Variants in BAIAP2L2 observed in about 807,000 individuals in gnomAD.
BAIAP2L2 encodes BAR/IMD domain containing adaptor protein 2 like 2.
Under a neutral mutation model 60.4 loss-of-function variants are expected in BAIAP2L2, and 65 were observed. That is an observed-to-expected ratio of 1.08 (90% CI 0.88 to 1.32). BAIAP2L2 has a LOEUF of 1.32. Among genes scored for constraint, BAIAP2L2 ranks in the 40% most tolerant of loss-of-function variants. BAIAP2L2 has a pLI of 0.00. For missense variants in BAIAP2L2, 836 were observed against 741.2 expected (o/e 1.13, Z -1.48); for synonymous variants, 344 against 301.7 (o/e 1.14, Z -1.45).
chr22:38,108,117 A>G (rs973770188), intron 3 of BAIAP2L2, 138 bp downstream of exon 3: 1 of 971,762 alleles, frequency 1.0e-6, no homozygotes, highest in Non-Finnish European at 1.5e-6. Flanking sequence ...GGTGGCGGGG[A>G]GCCTGGGCCC....
rs200930717 is a variant in BAIAP2L2, at chr22:38,087,167, ACATGGAGGT to A, written c.1207_1215del (p.Thr403_Met405del). The A allele has an allele frequency of 3.2e-4, 310 of 973,438 alleles. No individual in the cohort carries two copies. The highest frequency in any genetic ancestry group is 1.5e-3 in the Admixed American group (52 of 34,874). The allele number at this position is 973,438 out of a possible 1,614,324, so 60.3% of individuals were successfully genotyped here. Reference sequence around the variant, plus strand: ...CCGGGGTTCATGGGTGTCATGGGGGACATGGAGGTCATGGAGGTCATGGGGGTCACGGGG... The same window carrying A: ...CCGGGGTTCATGGGTGTCATGGGGGACATGGAGGTCATGGGGGTCACGGGG... On this transcript the variant is annotated inframe_deletion, in exon 11 of 14. Transcript: ENST00000381669.
At chr22:38,099,422 T>C (rs1022179499) in intron 4 of BAIAP2L2, among the ~76,000 whole-genome samples, 6 of 152,006 alleles carry the variant, frequency 3.9e-5, no homozygotes, top group Non-Finnish European at 5.9e-5. Context: ...TAATCCCAGC[T>C]ACTCAGGAGG....
intron 4 of BAIAP2L2, among the ~76,000 whole-genome samples, chr22:38,103,091 T>C (rs1185181534): frequency 6.6e-6 from 1 of 151,370 alleles, no homozygotes; most frequent in East Asian, 1.9e-4. Context: ...TGGCATTTTC[T>C]TATAGTCCCA....
chr22:38,100,075 G>T (rs2146013263), intron 4 of BAIAP2L2, among the ~76,000 whole-genome samples: 1 of 152,326 alleles, frequency 6.6e-6, no homozygotes. Flanking sequence ...AGAGAAGGGT[G>T]TCAGCACCAA....
At chr22:38,097,796 G>A (rs983078872) in intron 6 of BAIAP2L2, among the ~76,000 whole-genome samples, 2 of 152,174 alleles carry the variant, frequency 1.3e-5, no homozygotes, top group African/African-American at 4.8e-5. Flanking sequence ...AGATGGGGGA[G>A]GTGGGATGGG....
intron 7 of BAIAP2L2, among the ~76,000 whole-genome samples, chr22:38,093,222 T>TG (rs1241495068): frequency 6.6e-6 from 1 of 151,704 alleles, no homozygotes; most frequent in Admixed American, 6.6e-5. Flanking sequence ...TCTCTGGCCA[T>TG]GTGATATGAA....
At position 38,097,183 on chromosome 22, in the gene BAIAP2L2, G is replaced by C. The variant is rs758208512; in HGVS notation, c.466-5C>G. ...GTGCAGCCGGTTCACACTCTCCTGGGGGGGAACGGGAGTTCTGGCTGGGGG... is the reference window on the plus strand; with the variant it reads ...GTGCAGCCGGTTCACACTCTCCTGGCGGGGAACGGGAGTTCTGGCTGGGGG... On this transcript the variant is annotated splice_region_variant and splice_polypyrimidine_tract_variant and intron_variant, in intron 6 of 13. Transcript: ENST00000381669. 1.1e-5 allele frequency: 18 copies of C among 1,611,426 alleles called. No homozygotes were observed. Among genetic ancestry groups the C allele is most frequent in the Middle Eastern group, 1.7e-4 (1 of 6,036 alleles).
intron 1 of BAIAP2L2, among the ~76,000 whole-genome samples, chr22:38,110,157 C>CAGAGAG (rs1266096999): frequency 3.0e-5 from 1 of 33,562 alleles, no homozygotes. Flanking sequence ...GAGGGAGAGA[C>CAGAGAG]AGAGAGAGAG....
chr22:38,110,150 G>GAGAGAGAGAGAGAGAGAGAGAGA (rs2086807545), intron 1 of BAIAP2L2, among the ~76,000 whole-genome samples: 1 of 30,488 alleles, frequency 3.3e-5, no homozygotes, highest in Non-Finnish European at 6.1e-5. Context: ...AGAGAGAGAG[G>GAGAGAGAGAGAGAGAGAGAGAGA]GAGAGACAGA....
intron 8 of BAIAP2L2, 119 bp from the exon 9 acceptor site, chr22:38,089,350 C>G: frequency 1.8e-6 from 1 of 556,050 alleles, no homozygotes; most frequent in Non-Finnish European, 2.7e-6. Context: ...GGGCGGAGAC[C>G]GGGCCACCAC....
intron 10 of BAIAP2L2, 33 bp downstream of exon 10, chr22:38,088,715 C>A: frequency 1.1e-6 from 1 of 931,550 alleles, no homozygotes; most frequent in Admixed American, 2.0e-5. Flanking sequence ...TTCTTCTCAA[C>A]CCACCCCCGG....
chr22:38,103,961 T>A (rs1464769866), intron 4 of BAIAP2L2, among the ~76,000 whole-genome samples: 1 of 151,958 alleles, frequency 6.6e-6, no homozygotes, highest in Non-Finnish European at 1.5e-5. Context: ...GTCAAATGAG[T>A]TTAAATCTAC....
chr22:38,097,034 G>T lies in BAIAP2L2; in HGVS notation c.610C>A (p.Arg204=). 1 of 1,611,068 alleles carries T rather than the reference G, an allele frequency of 6.2e-7. No individual in the cohort carries two copies. Among genetic ancestry groups the T allele is most frequent in the Non-Finnish European group, 8.5e-7 (1 of 1,178,470 alleles). The part of the protein sequence containing the change: ...LSNTFLQFFG[R]ARGMLQNRVL... ...TGCTGCCCCCCAGTCCAACTCACCC[G>T]GCCGAAGAACTGCAGGAAGGTGTTG... The change falls in exon 7 of 14, where the codon CGG becomes AGG. Residue 204 remains arginine (R), a splice_region_variant and synonymous_variant. Transcript: ENST00000381669.
At position 38,109,130 on chromosome 22, in the gene BAIAP2L2, C is replaced by CA; in HGVS notation, c.127+2dup. 1 of 1,611,150 alleles carries CA rather than the reference C, an allele frequency of 6.2e-7. No homozygotes were observed. Among genetic ancestry groups the CA allele is most frequent in the East Asian group, 2.2e-5 (1 of 44,834 alleles). ...GGGCTCGGTGGCCCGGGCAGGCACT[C>CA]ACCGTGGAAGGCACGCAGGTAGTTG... On this transcript the variant is annotated splice_region_variant and intron_variant, in intron 2 of 13. Coordinates refer to ENST00000381669, the MANE Select transcript of BAIAP2L2 (RefSeq NM_025045.6).
intron 4 of BAIAP2L2, among the ~76,000 whole-genome samples, chr22:38,105,368 G>A (rs1473886443): frequency 7.1e-6 from 1 of 140,032 alleles, no homozygotes; most frequent in Non-Finnish European, 1.5e-5. Context: ...TTGAGACAGA[G>A]TCTCACCGTC....
chr22:38,085,505 C>A, intron 13 of BAIAP2L2, 130 bp from the exon 14 acceptor site: 1 of 1,288,028 alleles, frequency 7.8e-7, no homozygotes, highest in Admixed American at 1.9e-5. Context: ...CCACTCCTTG[C>A]CCCGCTTCAT....
chr22:38,095,373 C>CT (rs1374930470), intron 7 of BAIAP2L2, among the ~76,000 whole-genome samples: 11 of 150,964 alleles, frequency 7.3e-5, no homozygotes, highest in Admixed American at 1.3e-4. Flanking sequence ...ATTATCTCAT[C>CT]TTTTTTTTTG....
At chr22:38,109,959 T>C (rs954307611) in intron 1 of BAIAP2L2, among the ~76,000 whole-genome samples, 8 of 148,102 alleles carry the variant, frequency 5.4e-5, no homozygotes, top group African/African-American at 2.0e-4. Flanking sequence ...AGGCGCTCAA[T>C]AAATGTCTGT....
intron 4 of BAIAP2L2, among the ~76,000 whole-genome samples, chr22:38,106,199 C>T (rs111273591): frequency 3.9e-4 from 60 of 152,224 alleles, no homozygotes; most frequent in African/African-American, 1.3e-3. Context: ...GTTGTGTGTG[C>T]GTGGGATGTG....
Sources: allele counts gnomAD v4.1 joint callset (sites outside exome capture counted in the v4.1 genomes callset), GRCh38; gene constraint gnomAD v4.1.1; transcripts MANE v1.5; gene names NCBI Gene and HGNC (gene_info 2026-07-23, HGNC 2026-07-21).